Variants in TPD52 observed in about 807,000 individuals in gnomAD.
The protein encoded by TPD52 is tumor protein D52, also known as prostate and colon associated protein.
A neutral mutation model predicts 31.3 loss-of-function variants in TPD52; 17 were observed. The ratio of observed to expected loss-of-function variants is 0.54; its 90% CI spans 0.37 to 0.82. TPD52 has a LOEUF of 0.82. Among genes scored for constraint, TPD52 ranks in the 40% least tolerant of loss-of-function variants. TPD52 has a pLI of 0.00. For missense variants in TPD52, 212 were observed against 240.1 expected (o/e 0.88, Z 0.77); for synonymous variants, 83 against 89.6 (o/e 0.93, Z 0.42).
At chr8:80,033,174 G>A (rs910383816), downstream of TPD52, 2 of 152,528 alleles carry the variant, frequency 1.3e-5, no homozygotes, top group African/African-American at 4.8e-5. Context: ...AAAGCTCAGA[G>A]ATGCCAGCAA....
rs80332617 is a variant in TPD52, at chr8:80,038,360, T to G, written c.505-125A>C. On this transcript the variant is annotated intron_variant, in intron 7 of 7. Transcript: ENST00000518937. ...AGCAACCTTATAGCTCAGTGATTATTATATATGTATGGAATTTAGTATTGT... is the reference window on the plus strand; with the variant it reads ...AGCAACCTTATAGCTCAGTGATTATGATATATGTATGGAATTTAGTATTGT... 1,321 of 949,078 alleles carry G rather than the reference T, an allele frequency of 1.4e-3. 12 individuals are homozygous for G. The African/African-American group carries it at 0.02, about 14-fold the overall frequency. 58.8% of individuals were successfully genotyped at this position (949,078 alleles called of 1,614,324 possible).
At chr8:80,104,906 A>G (rs1351902436) in intron 1 of TPD52, among the ~76,000 whole-genome samples, 1 of 152,016 alleles carries the variant, frequency 6.6e-6, no homozygotes, top group Non-Finnish European at 1.5e-5. Context: ...CTAAAAATAC[A>G]AAAATTAGCC....
At chr8:80,081,891 C>G (rs907947831) in intron 1 of TPD52, among the ~76,000 whole-genome samples, 1 of 152,224 alleles carries the variant, frequency 6.6e-6, no homozygotes, top group African/African-American at 2.4e-5. Context: ...GCAACCTCCA[C>G]CTTCTGGGTT....
intron 1 of TPD52, among the ~76,000 whole-genome samples, chr8:80,065,727 T>C (rs1359050736): frequency 6.6e-6 from 1 of 152,060 alleles, no homozygotes; most frequent in African/African-American, 2.4e-5. Context: ...TGGCTCTGCA[T>C]GAACAGCACT....
At chr8:80,169,636 T>C (rs995050321) in intron 1 of TPD52, among the ~76,000 whole-genome samples, 3 of 152,010 alleles carry the variant, frequency 2.0e-5, no homozygotes, top group Admixed American at 6.6e-5. Flanking sequence ...GTACCAAACA[T>C]AGTTATTCTA....
chr8:80,044,269 T>C, intron 5 of TPD52, 61 bp from the exon 6 acceptor site: 1 of 1,377,560 alleles, frequency 7.3e-7, no homozygotes, highest in East Asian at 2.7e-5. Context: ...TTCAACATTA[T>C]TAAAAGCTGA....
At chr8:80,056,629 G>A (rs562544845) in intron 2 of TPD52, among the ~76,000 whole-genome samples, 7 of 152,252 alleles carry the variant, frequency 4.6e-5, no homozygotes, top group Admixed American at 2.0e-4. Context: ...AGTAATTTGA[G>A]AAATGCAAAT....
At chr8:80,120,683 A>C (rs1197399574) in intron 1 of TPD52, among the ~76,000 whole-genome samples, 1 of 152,156 alleles carries the variant, frequency 6.6e-6, no homozygotes, top group Non-Finnish European at 1.5e-5. Flanking sequence ...TACTAAAATC[A>C]TTTTGGCTAA....
At chr8:80,042,257 T>G (rs1274171327) in intron 7 of TPD52, 12 of 985,360 alleles carry the variant, frequency 1.2e-5, no homozygotes, top group Non-Finnish European at 1.4e-5. Context: ...ATTTTTTGTT[T>G]TCTTTCTTGT....
At chr8:80,062,717 C>T (rs1812682764) in intron 2 of TPD52, among the ~76,000 whole-genome samples, 1 of 152,254 alleles carries the variant, frequency 6.6e-6, no homozygotes, top group East Asian at 1.9e-4. Flanking sequence ...AATCCCAGCA[C>T]TTTGGGAGGC....
In TPD52 at chr8:80,145,813, C is replaced by T. The variant is rs180759163; in HGVS notation, c.19+25612G>A. 8.5e-5 allele frequency among the ~76,000 whole-genome samples: 13 copies of T among 152,270 alleles called. No individual in the cohort carries two copies. The East Asian group carries it at 2.1e-3, about 25-fold the overall frequency. ...AGGAGGGAAAAAACCCACAGTGTTCCTGAAACTAAATTTAAAAGTAATGCC... is the reference window on the plus strand; with the variant it reads ...AGGAGGGAAAAAACCCACAGTGTTCTTGAAACTAAATTTAAAAGTAATGCC... On this transcript the variant is annotated intron_variant, in intron 1 of 7. Transcript: ENST00000518937.
intron 7 of TPD52, chr8:80,042,343 A>ATTT (rs1810472074): frequency 1.0e-6 from 1 of 985,374 alleles, no homozygotes; most frequent in Non-Finnish European, 1.2e-6. Context: ...ACTTGAAATG[A>ATTT]ATAAAGCAAA....
intron 1 of TPD52, chr8:80,119,885 C>A: frequency 2.6e-6 from 1 of 388,308 alleles, no homozygotes; most frequent in East Asian, 8.5e-5. Context: ...AAATAAAAAG[C>A]TATAGCAGAA....
intron 1 of TPD52, among the ~76,000 whole-genome samples, chr8:80,129,699 A>ATT (rs1808882029): frequency 1.7e-5 from 2 of 116,756 alleles, no homozygotes; most frequent in Non-Finnish European, 3.4e-5. Context: ...CCTAACTCTC[A>ATT]TTTCTTTTTT....
intron 1 of TPD52, among the ~76,000 whole-genome samples, chr8:80,106,419 C>T (rs1352365798): frequency 7.9e-5 from 12 of 151,916 alleles, no homozygotes; most frequent in African/African-American, 2.7e-4. Flanking sequence ...TGCAGTGGTG[C>T]GATCTTGGCT....
At chr8:80,144,651 C>T (rs1810068942) in intron 1 of TPD52, among the ~76,000 whole-genome samples, 1 of 152,318 alleles carries the variant, frequency 6.6e-6, no homozygotes, top group African/African-American at 2.4e-5. Flanking sequence ...AACTCACAGC[C>T]ACCCATCCCT....
At chr8:80,157,581 A>C (rs1811059373) in intron 1 of TPD52, among the ~76,000 whole-genome samples, 1 of 152,190 alleles carries the variant, frequency 6.6e-6, no homozygotes, top group African/African-American at 2.4e-5. Flanking sequence ...AGAATAGTTA[A>C]CAAATCTAGA....
chr8:80,120,215 C>T (rs1586337536), intron 1 of TPD52, among the ~76,000 whole-genome samples: 2 of 152,200 alleles, frequency 1.3e-5, no homozygotes, highest in Non-Finnish European at 1.5e-5. Flanking sequence ...ATAGGCTGGA[C>T]GCGGTGGCTC....
At chr8:80,123,969 G>A (rs1357560524) in intron 1 of TPD52, among the ~76,000 whole-genome samples, 1 of 152,190 alleles carries the variant, frequency 6.6e-6, no homozygotes, top group Non-Finnish European at 1.5e-5. Flanking sequence ...GTGATTATCA[G>A]CGACAGCATG....
Sources: allele counts gnomAD v4.1 joint callset (sites outside exome capture counted in the v4.1 genomes callset), GRCh38; gene constraint gnomAD v4.1.1; transcripts MANE v1.5; gene names NCBI Gene and HGNC (gene_info 2026-07-23, HGNC 2026-07-21).